Variants in PAX7 observed in about 807,000 individuals in gnomAD.
PAX7 encodes paired box protein Pax-7.
A neutral mutation model predicts 50.7 loss-of-function variants in PAX7; 18 were observed. That is an observed-to-expected ratio of 0.36 (90% CI 0.25 to 0.53). The LOEUF is 0.53. Ranked by LOEUF, PAX7 falls within the 20% of genes least tolerant of loss-of-function variation. The pLI is 0.93. For missense variants in PAX7, 644 were observed against 702.9 expected (o/e 0.92, Z 0.95); for synonymous variants, 310 against 290.4 (o/e 1.07, Z -0.69).
intron 4 of PAX7, among the ~76,000 whole-genome samples, chr1:18,639,659 A>C (rs2088219297): frequency 6.6e-6 from 1 of 152,222 alleles, no homozygotes; most frequent in Non-Finnish European, 1.5e-5. Flanking sequence ...ATAGAATCTG[A>C]GCTCAGAGAG....
intron 8 of PAX7, among the ~76,000 whole-genome samples, chr1:18,737,520 CAT>C (rs1930824506): frequency 6.6e-6 from 1 of 152,262 alleles, no homozygotes. Flanking sequence ...TATGTTGGGA[CAT>C]GTTACAATTC....
chr1:18,684,173 G>T (rs1245177345), intron 4 of PAX7, among the ~76,000 whole-genome samples: 1 of 152,244 alleles, frequency 6.6e-6, no homozygotes, highest in Admixed American at 6.5e-5. Context: ...AGAAGGTGGT[G>T]GCTGGAGTCC....
At position 18,676,303 on chromosome 1, in the gene PAX7, T is replaced by C. The variant is rs200026841; in HGVS notation, c.587-15451T>C. 5.6e-4 allele frequency among the ~76,000 whole-genome samples: 85 copies of C among 151,998 alleles called. 1 individual carries two copies. The East Asian group carries it at 0.016, about 29-fold the overall frequency. On this transcript the variant is annotated intron_variant, in intron 4 of 8. Transcript: ENST00000420770. ...TTTCCACCACCTTCCACTGTGGACC[T>C]GCTCTGCCTGGGAACGGCCCATCCA...
chr1:18,657,308 G>T (rs2088536512), intron 4 of PAX7, among the ~76,000 whole-genome samples: 1 of 152,002 alleles, frequency 6.6e-6, no homozygotes, highest in African/African-American at 2.4e-5. Flanking sequence ...GCCTAAGGGT[G>T]GAGGTCCCTC....
chr1:18,741,577 C>A (rs1931139521), intron 8 of PAX7, among the ~76,000 whole-genome samples: 1 of 152,138 alleles, frequency 6.6e-6, no homozygotes, highest in African/African-American at 2.4e-5. Context: ...GAGGTACCCC[C>A]AAAAATATGT....
intron 4 of PAX7, among the ~76,000 whole-genome samples, chr1:18,655,696 A>G (rs1469024687): frequency 6.6e-6 from 1 of 152,134 alleles, no homozygotes; most frequent in Non-Finnish European, 1.5e-5. Context: ...TCTTTAAAAC[A>G]AACTCATTAA....
At chr1:18,712,655 T>C (rs762308503) in intron 7 of PAX7, among the ~76,000 whole-genome samples, 3 of 152,236 alleles carry the variant, frequency 2.0e-5, no homozygotes, top group African/African-American at 4.8e-5. Context: ...CTTGGATCAT[T>C]GAAGGAGAAG....
intron 7 of PAX7, among the ~76,000 whole-genome samples, chr1:18,707,613 C>T (rs1366088670): frequency 6.6e-6 from 1 of 151,690 alleles, no homozygotes; most frequent in Non-Finnish European, 1.5e-5. Context: ...TTAGTAGAGG[C>T]GGAATTTCAC....
At chr1:18,682,883 A>G (rs1416462531) in intron 4 of PAX7, among the ~76,000 whole-genome samples, 1 of 152,178 alleles carries the variant, frequency 6.6e-6, no homozygotes, top group Non-Finnish European at 1.5e-5. Flanking sequence ...GGGAATATGC[A>G]GAGCCCCCTC....
In PAX7 at chr1:18,636,403, G is replaced by GCCCGGGTTT; in HGVS notation, c.586+33_586+41dup. On this transcript the variant is annotated intron_variant, in intron 4 of 8. Coordinates refer to ENST00000420770, the MANE Select transcript of PAX7 (RefSeq NM_001135254.2). The surrounding 1 kb of genome is among the most constrained non-coding windows in gnomAD (Gnocchi z 5.1). ...AACTTCCCTGGGCTGCGAGGCCCCA[G>GCCCGGGTTT]CCCGGGTTTTCCCACGCTCCGGTGT... The GCCCGGGTTT allele has an allele frequency of 6.2e-7, 1 of 1,605,692 alleles. No homozygotes were observed. The highest frequency in any genetic ancestry group is 8.5e-7 in the Non-Finnish European group (1 of 1,174,626).
chr1:18,642,386 ACAATGC>A (rs2088269678), intron 4 of PAX7, among the ~76,000 whole-genome samples: 1 of 152,200 alleles, frequency 6.6e-6, no homozygotes, highest in Admixed American at 6.5e-5. Flanking sequence ...CCCTGAAAAG[ACAATGC>A]CTGGTTGAGG....
intron 8 of PAX7, among the ~76,000 whole-genome samples, chr1:18,738,286 A>G (rs1263552933): frequency 6.6e-6 from 1 of 152,192 alleles, no homozygotes; most frequent in Non-Finnish European, 1.5e-5. Context: ...GCAGCAGGAC[A>G]CACATGCTCT....
rs1173480705 is a variant in PAX7 at position 18,630,991 on chromosome 1, A to G, written c.-613A>G. On this transcript the variant is annotated 5_prime_UTR_variant, in exon 1 of 9. Coordinates refer to ENST00000420770, the MANE Select transcript of PAX7 (RefSeq NM_001135254.2). The stretch of plus-strand genomic sequence containing the variant: ...TCTTCCGTCTGTCCCCGGGTCTCCT[A>G]GGGGACGGGGCTGTGAAAGCTGGTG... 1 of 218,594 alleles carries G rather than the reference A, an allele frequency of 4.6e-6. No homozygotes were observed. The highest frequency in any genetic ancestry group is 2.3e-5 in the African/African-American group (1 of 44,402). 13.5% of individuals were successfully genotyped at this position (218,594 alleles called of 1,614,324 possible). A position where few individuals can be genotyped will look rare whatever the true frequency, so the allele number is the denominator to read the frequency against.
rs191587186 is a variant in PAX7, at chr1:18,669,728, C to T, written c.587-22026C>T. On this transcript the variant is annotated intron_variant, in intron 4 of 8. Transcript: ENST00000420770. ...ACTCTGCTGCTTAGAAGCTTTGAGA[C>T]GTGGACAGTAGCTTGGCCTCTCTGA... Among the ~76,000 whole-genome samples the T allele has an allele frequency of 5.9e-5, 9 of 152,304 alleles. No individual in the cohort carries two copies. In the East Asian group the frequency reaches 1.5e-3, roughly 26 times the overall value.
intron 4 of PAX7, among the ~76,000 whole-genome samples, chr1:18,639,529 T>C (rs897412008): frequency 2.0e-5 from 3 of 152,102 alleles, no homozygotes; most frequent in Admixed American, 6.5e-5. Context: ...GGACAGTTCC[T>C]TGCCCCCATG....
chr1:18,670,973 G>A (rs772926137), intron 4 of PAX7, among the ~76,000 whole-genome samples: 7 of 152,144 alleles, frequency 4.6e-5, no homozygotes, highest in African/African-American at 1.4e-4. Flanking sequence ...TGCTGGAGCC[G>A]GTCCAGTTCT....
chr1:18,660,036 C>T (rs2088579177), intron 4 of PAX7, among the ~76,000 whole-genome samples: 1 of 152,156 alleles, frequency 6.6e-6, no homozygotes, highest in Non-Finnish European at 1.5e-5. Context: ...TGTAGGAGGT[C>T]GGAATTCGTC....
Position 18,745,209 on chromosome 1 carries a change from G to A in PAX7, c.*280G>A, listed in dbSNP as rs1931381695. ...CCTGTCAAATCCCATGGTGGCCTCT[G>A]TGCCATCTCAGGCATGGAGATTGGG... On this transcript the variant is annotated 3_prime_UTR_variant, in exon 9 of 9. Coordinates refer to ENST00000420770, the MANE Select transcript of PAX7 (RefSeq NM_001135254.2). 2.1e-6 allele frequency: 1 copy of A among 474,794 alleles called. No individual in the cohort carries two copies. The highest frequency in any genetic ancestry group is 1.9e-5 in the African/African-American group (1 of 51,678). The allele number at this position is 474,794 out of a possible 1,614,324, so 29.4% of individuals were successfully genotyped here. A position where few individuals can be genotyped will look rare whatever the true frequency, so the allele number is the denominator to read the frequency against.
chr1:18,684,821 G>T (rs982062840), intron 4 of PAX7, among the ~76,000 whole-genome samples: 1 of 152,172 alleles, frequency 6.6e-6, no homozygotes, highest in East Asian at 1.9e-4. Flanking sequence ...AGAGGGGAGC[G>T]CAGAAGCAGG....
Sources: allele counts gnomAD v4.1 joint callset (sites outside exome capture counted in the v4.1 genomes callset), GRCh38; gene constraint gnomAD v4.1.1; non-coding constraint Gnocchi (gnomAD v3.1); transcripts MANE v1.5; gene names NCBI Gene and HGNC (gene_info 2026-07-23, HGNC 2026-07-21).